Variants in PTPRE observed in about 807,000 individuals in gnomAD.
The protein encoded by PTPRE is receptor-type tyrosine-protein phosphatase epsilon.
PTPRE carries 51 observed loss-of-function variants against 102.0 expected under a neutral mutation model. The ratio of observed to expected loss-of-function variants is 0.50; its 90% CI spans 0.40 to 0.63. The LOEUF (loss-of-function observed/expected upper bound fraction) is 0.63. PTPRE is among the 30% of genes least tolerant of loss of function. PTPRE has a pLI of 0.00. For missense variants in PTPRE, 752 were observed against 915.1 expected (o/e 0.82, Z 2.30); for synonymous variants, 345 against 348.2 (o/e 0.99, Z 0.10).
intron 5 of PTPRE, among the ~76,000 whole-genome samples, chr10:128,048,389 G>GT (rs1251627762): frequency 1.3e-5 from 2 of 152,166 alleles, no homozygotes; most frequent in African/African-American, 2.4e-5. Flanking sequence ...AGAAACGTGT[G>GT]TAAGGCAGAG....
chr10:128,070,918 G>A lies in PTPRE; in HGVS notation c.1387+17G>A, dbSNP rs377092721. ...TCATCCCGTGTAAGGCACCCGTGGCGTGGCTTGGGCAGGGCTGGGGCGGGG... is the reference window on the plus strand; with the variant it reads ...TCATCCCGTGTAAGGCACCCGTGGCATGGCTTGGGCAGGGCTGGGGCGGGG... On this transcript the variant is annotated intron_variant, in intron 15 of 20. Transcript: ENST00000254667. The surrounding 1 kb of genome is among the most constrained non-coding windows in gnomAD (Gnocchi z 4.8). 1.9e-5 allele frequency: 31 copies of A among 1,607,062 alleles called. No homozygotes were observed. The highest frequency in any genetic ancestry group is 1.7e-4 in the Middle Eastern group (1 of 6,012).
intron 1 of PTPRE, among the ~76,000 whole-genome samples, chr10:127,951,972 GA>G: frequency 6.6e-6 from 1 of 152,306 alleles, no homozygotes; most frequent in Non-Finnish European, 1.5e-5. Flanking sequence ...CACATCTCCT[GA>G]TACCTGGTGT....
At chr10:127,956,506 G>A (rs1453688066) in intron 1 of PTPRE, among the ~76,000 whole-genome samples, 1 of 152,158 alleles carries the variant, frequency 6.6e-6, no homozygotes, top group Non-Finnish European at 1.5e-5. Flanking sequence ...TCCAAGTTTG[G>A]GCAATTAAGA....
At chr10:128,000,968 GGA>G (rs1853822235) in intron 2 of PTPRE, among the ~76,000 whole-genome samples, 1 of 152,206 alleles carries the variant, frequency 6.6e-6, no homozygotes, top group South Asian at 2.1e-4. Context: ...ATGGATAGTA[GGA>G]GAGTCTTTAT....
chr10:127,940,094 G>A (rs1020059421), intron 1 of PTPRE, among the ~76,000 whole-genome samples: 6 of 151,618 alleles, frequency 4.0e-5, no homozygotes, highest in African/African-American at 1.2e-4. Flanking sequence ...AGCCAGGTGC[G>A]GGCAGGTGCA....
chr10:128,020,451 A>G (rs557282829), intron 2 of PTPRE, among the ~76,000 whole-genome samples: 164 of 152,336 alleles, frequency 1.1e-3, no homozygotes, highest in African/African-American at 3.7e-3. Flanking sequence ...AACCTGTTTA[A>G]GGATATTTCA....
chr10:128,066,149 CGT>C lies in PTPRE; in HGVS notation c.800_801del (p.Val267GlyfsTer69). 6.2e-7 allele frequency: 1 copy of C among 1,614,208 alleles called. No homozygotes were observed. Among genetic ancestry groups the C allele is most frequent in the Non-Finnish European group, 8.5e-7 (1 of 1,180,028 alleles). ...GNIRVCVEDC[V>X]VLVDYTIRKF... ...ACATCCGGGTGTGCGTGGAGGACTGCGTGGTTTTGGTCGACTACACCATCCGG... is the reference window on the plus strand; with the variant it reads ...ACATCCGGGTGTGCGTGGAGGACTGCGGTTTTGGTCGACTACACCATCCGG... On this transcript the variant is annotated frameshift_variant, in exon 11 of 21. Transcript: ENST00000254667. LOFTEE classifies it high-confidence loss of function.
In PTPRE at chr10:128,040,940, T is replaced by G. The variant is rs758147050; in HGVS notation, c.59T>G (p.Leu20Arg). 1 of 1,614,026 alleles carries G rather than the reference T, an allele frequency of 6.2e-7. No homozygotes were observed. Among genetic ancestry groups the G allele is most frequent in the Non-Finnish European group, 8.5e-7 (1 of 1,180,006 alleles). ...TTTAGCTTGCCGCTCGCCAGGGCTC[T>G]CAGGGGCAACGAGACCACTGCCGAC... Reference protein sequence around the residue: ...VGFSLPLARALRGNETTADSN... With the variant: ...VGFSLPLARARRGNETTADSN... The change falls in exon 3 of 21, where the codon CTC becomes CGC. Residue 20 changes from leucine (L) to arginine (R), a missense_variant. This residue lies in a region of PTPRE where 116 missense variants were observed against 90.8 expected (regional missense o/e 1.28). Transcript: ENST00000254667.
intron 1 of PTPRE, among the ~76,000 whole-genome samples, chr10:127,951,707 A>C (rs971300775): frequency 6.6e-6 from 1 of 152,202 alleles, no homozygotes; most frequent in Non-Finnish European, 1.5e-5. Flanking sequence ...GGTAAATGGA[A>C]GCTATTAGTG....
At chr10:127,919,041 CATTTTGTACCTTT>C (rs1846411695) in intron 1 of PTPRE, among the ~76,000 whole-genome samples, 1 of 152,128 alleles carries the variant, frequency 6.6e-6, no homozygotes, top group African/African-American at 2.4e-5. Flanking sequence ...TGCAAAAATT[CATTTTGTACCTTT>C]ATTTTACACA....
At chr10:128,058,735 G>A (rs543559729) in intron 7 of PTPRE, among the ~76,000 whole-genome samples, 2 of 151,148 alleles carry the variant, frequency 1.3e-5, no homozygotes, top group Non-Finnish European at 3.0e-5. Flanking sequence ...GAGAGAAGGG[G>A]CCCAACTTCC....
chr10:128,049,453 C>T (rs41282858), intron 5 of PTPRE, 77 bp from the exon 6 acceptor site: 23,681 of 1,527,778 alleles, frequency 0.016, 260 homozygotes, highest in Non-Finnish European at 0.017. Context: ...TCAGGAATGT[C>T]GTTGGTCAGC....
chr10:127,919,827 T>C (rs536708581), intron 1 of PTPRE, among the ~76,000 whole-genome samples: 1 of 152,334 alleles, frequency 6.6e-6, no homozygotes, highest in Admixed American at 6.5e-5. Context: ...AATGATTTAT[T>C]ATTGGTTATG....
chr10:127,979,743 G>A (rs369060456), intron 1 of PTPRE, among the ~76,000 whole-genome samples: 11 of 152,202 alleles, frequency 7.2e-5, no homozygotes, highest in African/African-American at 1.7e-4. Context: ...GTTGTCAATC[G>A]TGCAACCATT....
rs552721314 is a variant in PTPRE at position 128,048,316 on chromosome 10, C to T, written c.283+479C>T. 2.0e-5 allele frequency among the ~76,000 whole-genome samples: 3 copies of T among 152,334 alleles called. No homozygotes were observed. The East Asian group carries it at 5.8e-4, about 29-fold the overall frequency. On this transcript the variant is annotated intron_variant, in intron 5 of 20. Coordinates refer to ENST00000254667, the MANE Select transcript of PTPRE (RefSeq NM_006504.6). ...TTTCCATCCGAAGTACAGTTTCGAACTTGTTGTCGCTACTTACAAAGGAAC... is the reference window on the plus strand; with the variant it reads ...TTTCCATCCGAAGTACAGTTTCGAATTTGTTGTCGCTACTTACAAAGGAAC...
Position 128,011,628 on chromosome 10 carries a change from C to T in PTPRE, c.-7-29247C>T, listed in dbSNP as rs147594464. 1.1e-4 allele frequency among the ~76,000 whole-genome samples: 17 copies of T among 152,360 alleles called. No individual in the cohort carries two copies. The East Asian group carries it at 3.3e-3, about 29-fold the overall frequency. ...TCCAAATTCAGGTGCTAAGTTGAGC[C>T]CATAAAATGCAAAGTTATAACACCA... is the stretch of plus-strand genomic sequence containing the variant. On this transcript the variant is annotated intron_variant, in intron 2 of 20. Transcript: ENST00000254667.
chr10:127,962,043 A>G (rs1849859962), intron 1 of PTPRE, among the ~76,000 whole-genome samples: 1 of 152,206 alleles, frequency 6.6e-6, no homozygotes, highest in African/African-American at 2.4e-5. Flanking sequence ...TTTTAATTTC[A>G]TCAAACAATA....
intron 20 of PTPRE, among the ~76,000 whole-genome samples, chr10:128,080,027 T>C (rs1437151269): frequency 1.3e-5 from 2 of 152,222 alleles, no homozygotes; most frequent in Non-Finnish European, 2.9e-5. Context: ...CTGAAAAACA[T>C]ACTCTTATCA....
intron 1 of PTPRE, among the ~76,000 whole-genome samples, chr10:127,921,233 C>T (rs532308977): frequency 6.6e-6 from 1 of 152,358 alleles, no homozygotes; most frequent in South Asian, 2.1e-4. Context: ...CATGTTAACT[C>T]GGTCAGTGCT....
Sources: allele counts gnomAD v4.1 joint callset (sites outside exome capture counted in the v4.1 genomes callset), GRCh38; gene constraint gnomAD v4.1.1; regional missense constraint gnomAD v4.1.1; non-coding constraint Gnocchi (gnomAD v3.1); transcripts MANE v1.5; gene names NCBI Gene and HGNC (gene_info 2026-07-23, HGNC 2026-07-21).